Variants in MEGF11 observed in about 807,000 individuals in gnomAD.
MEGF11 encodes the protein multiple epidermal growth factor-like domains protein 11.
MEGF11 carries 126 observed loss-of-function variants against 146.6 expected under a neutral mutation model. The ratio of observed to expected loss-of-function variants is 0.86; its 90% CI spans 0.74 to 1.00. The LOEUF is 1.00. Ranked by LOEUF, MEGF11 falls within the 50% of genes least tolerant of loss-of-function variation. MEGF11 has a pLI of 0.00. For synonymous variants in MEGF11, 532 were observed against 583.4 expected (o/e 0.91, Z 1.27); for missense variants, 1,509 against 1,521.2 (o/e 0.99, Z 0.13).
At chr15:65,929,348 A>G (rs1465549021) in intron 12 of MEGF11, among the ~76,000 whole-genome samples, 2 of 152,226 alleles carry the variant, frequency 1.3e-5, no homozygotes, top group Non-Finnish European at 2.9e-5. Flanking sequence ...AAGCTTAAAC[A>G]TTATCTACCA....
chr15:65,976,648 C>T (rs569896410), intron 7 of MEGF11, among the ~76,000 whole-genome samples: 67 of 152,324 alleles, frequency 4.4e-4, no homozygotes, highest in Admixed American at 2.7e-3. Context: ...TTGTTCAAGC[C>T]GCCTAGTCTG....
intron 5 of MEGF11, among the ~76,000 whole-genome samples, chr15:66,072,069 C>A (rs1319411267): frequency 6.6e-6 from 1 of 152,224 alleles, no homozygotes; most frequent in Non-Finnish European, 1.5e-5. Flanking sequence ...GAGCTTTCAG[C>A]AAGATGCCTT....
chr15:65,916,889 G>A lies in MEGF11; in HGVS notation c.2154C>T (p.Cys718=). ...AGTGGCAGGCCCCGTCCTCGGCGCT[G>A]CAGCTCGCCCCGTTGTGGCAGCTGC... ...HACSCHNGAS[C]SAEDGACHCT... The change falls in exon 17 of 26, where the codon TGC becomes TGT. Residue 718 remains cysteine, a synonymous_variant. Transcript: ENST00000395614. 2 of 1,586,308 alleles carry A rather than the reference G, an allele frequency of 1.3e-6. No individual in the cohort carries two copies. The highest frequency in any genetic ancestry group is 1.1e-5 in the South Asian group (1 of 87,060).
intron 7 of MEGF11, among the ~76,000 whole-genome samples, chr15:65,972,163 A>G (rs1409773308): frequency 6.6e-6 from 1 of 152,208 alleles, no homozygotes; most frequent in Non-Finnish European, 1.5e-5. Context: ...GAAAATATAG[A>G]GGACCAATTC....
At chr15:66,225,757 C>A (rs151025536) in intron 1 of MEGF11, among the ~76,000 whole-genome samples, 1 of 152,264 alleles carries the variant, frequency 6.6e-6, no homozygotes, top group Non-Finnish European at 1.5e-5. Flanking sequence ...TACATGAATA[C>A]ATATATGCTC....
intron 1 of MEGF11, among the ~76,000 whole-genome samples, chr15:66,190,458 T>C (rs2090839018): frequency 6.6e-6 from 1 of 152,108 alleles, no homozygotes; most frequent in Non-Finnish European, 1.5e-5. Context: ...AACTGAGCCC[T>C]TTGTGACCAA....
chr15:66,081,539 C>G (rs1042321170), intron 5 of MEGF11, among the ~76,000 whole-genome samples: 1 of 152,186 alleles, frequency 6.6e-6, no homozygotes, highest in African/African-American at 2.4e-5. Context: ...CCACCATGCC[C>G]AGCTAATTTC....
intron 5 of MEGF11, among the ~76,000 whole-genome samples, chr15:66,020,438 A>G (rs1222109446): frequency 1.3e-5 from 2 of 152,232 alleles, no homozygotes; most frequent in Non-Finnish European, 2.9e-5. Flanking sequence ...GCTGGGCCTG[A>G]AGCAACATCC....
chr15:66,128,351 A>G lies in MEGF11; in HGVS notation c.53T>C (p.Leu18Pro). The G allele has an allele frequency of 6.6e-7, 1 of 1,525,932 alleles. No individual in the cohort carries two copies. The highest frequency in any genetic ancestry group is 8.8e-7 in the Non-Finnish European group (1 of 1,135,088). The allele number at this position is 1,525,932 out of a possible 1,614,324, so 94.5% of individuals were successfully genotyped here. The change falls in exon 2 of 26, where the codon CTT (leucine) becomes CCT (proline). Residue 18 changes from leucine to proline, a missense_variant. By Grantham distance (98) the Leu-to-Pro change is moderately conservative. Coordinates refer to ENST00000395614, the MANE Select transcript of MEGF11 (RefSeq NM_001385028.1). ...GTTGGGGTCCTCGGGGTTCAGGGCA[A>G]GGGTGGCTTGCAGGAAGGAGAAGGC... ...LIAFSFLQAT[L>P]ALNPEDPNVC...
intron 2 of MEGF11, among the ~76,000 whole-genome samples, chr15:66,127,522 C>T (rs2088419117): frequency 6.6e-6 from 1 of 152,220 alleles, no homozygotes; most frequent in Admixed American, 6.5e-5. Flanking sequence ...CTACCATTCA[C>T]TTCTCCCATA....
At chr15:66,008,990 G>C (rs1364436992) in intron 5 of MEGF11, among the ~76,000 whole-genome samples, 2 of 152,184 alleles carry the variant, frequency 1.3e-5, no homozygotes, top group African/African-American at 4.8e-5. Context: ...CCTGCCAGGT[G>C]AGCTGGAGGC....
chr15:66,124,131 C>T (rs374569425), intron 2 of MEGF11, 131 bp from the exon 3 acceptor site: 3 of 701,708 alleles, frequency 4.3e-6, no homozygotes, highest in Admixed American at 2.2e-5. Context: ...CTGACCTCCC[C>T]CCTCCCAACT....
intron 1 of MEGF11, among the ~76,000 whole-genome samples, chr15:66,178,424 T>C (rs2090451065): frequency 6.6e-6 from 1 of 152,180 alleles, no homozygotes; most frequent in Non-Finnish European, 1.5e-5. Flanking sequence ...TTGCTCTTCC[T>C]ATTAATACCT....
intron 5 of MEGF11, among the ~76,000 whole-genome samples, chr15:65,986,480 CAG>C (rs1315585056): frequency 2.0e-5 from 3 of 151,758 alleles, no homozygotes; most frequent in Non-Finnish European, 4.4e-5. Context: ...AATTTCCCAC[CAG>C]AGTGATTAAA....
intron 2 of MEGF11, among the ~76,000 whole-genome samples, chr15:66,128,071 G>A (rs142622503): frequency 2.0e-5 from 3 of 152,344 alleles, no homozygotes; most frequent in African/African-American, 7.2e-5. Flanking sequence ...TGCTAGTGCA[G>A]GGAGGGGTAG....
intron 5 of MEGF11, among the ~76,000 whole-genome samples, chr15:66,086,026 A>C (rs1214674898): frequency 2.0e-5 from 3 of 152,220 alleles, no homozygotes; most frequent in African/African-American, 7.2e-5. Context: ...AATGCTCTGG[A>C]AAGTCTCAGC....
chr15:65,965,609 T>TCTTTCTTTCTTTC (rs1567180128), intron 8 of MEGF11, among the ~76,000 whole-genome samples: 10 of 80,360 alleles, frequency 1.2e-4, no homozygotes, highest in Admixed American at 4.1e-4. Flanking sequence ...TCTTTTTTTT[T>TCTTTCTTTCTTTC]TTTCTTTTTT....
chr15:66,071,921 C>T (rs1378807215), intron 5 of MEGF11, among the ~76,000 whole-genome samples: 5 of 152,204 alleles, frequency 3.3e-5, no homozygotes, highest in South Asian at 2.1e-4. Context: ...CAGCATCTGA[C>T]GGAATAAATG....
At chr15:66,034,859 CAT>C (rs1173400356) in intron 5 of MEGF11, among the ~76,000 whole-genome samples, 3 of 152,170 alleles carry the variant, frequency 2.0e-5, no homozygotes, top group Non-Finnish European at 2.9e-5. Context: ...TGCATGAATT[CAT>C]GTCACTGTTA....
Sources: allele counts gnomAD v4.1 joint callset (sites outside exome capture counted in the v4.1 genomes callset), GRCh38; gene constraint gnomAD v4.1.1; transcripts MANE v1.5; gene names NCBI Gene and HGNC (gene_info 2026-07-23, HGNC 2026-07-21).